The following OLFM4 variants were observed in gnomAD, a reference collection of about 807,000 sequenced individuals.
OLFM4 encodes the protein olfactomedin 4.
Under a neutral mutation model 25.5 loss-of-function variants are expected in OLFM4, and 22 were observed. That is an observed-to-expected ratio of 0.86 (90% CI 0.62 to 1.23). OLFM4 has a LOEUF of 1.23. Among genes scored for constraint, OLFM4 ranks in the 50% most tolerant of loss-of-function variants. The probability of loss-of-function intolerance (pLI) is 0.00; values close to 1 mark genes in which losing one functional copy is unlikely to be tolerated. For missense variants in OLFM4, 594 were observed against 619.4 expected (o/e 0.96, Z 0.44); for synonymous variants, 255 against 237.7 (o/e 1.07, Z -0.67).
chr13:53,050,256 G>C lies in OLFM4; in HGVS notation c.1018G>C (p.Val340Leu), dbSNP rs749835426. ...GTAVYNNNMYVNMYNTGNIAR... is the reference protein window; with the variant it reads ...GTAVYNNNMYLNMYNTGNIAR... ...AGCAGTTTACAACAACAACATGTAC[G>C]TCAACATGTACAACACCGGGAATAT... The change falls in exon 5 of 5, where the codon GTC becomes CTC. Residue 340 changes from valine (V) to leucine (L), a missense_variant. Coordinates refer to ENST00000219022, the MANE Select transcript of OLFM4 (RefSeq NM_006418.5). 6.2e-7 allele frequency: 1 copy of C among 1,613,988 alleles called. No homozygotes were observed. The highest frequency in any genetic ancestry group is 8.5e-7 in the Non-Finnish European group (1 of 1,179,934).
chr13:53,029,581 A>G (rs938847398), intron 1 of OLFM4, among the ~76,000 whole-genome samples: 3 of 152,086 alleles, frequency 2.0e-5, no homozygotes, highest in Admixed American at 6.6e-5. Flanking sequence ...AGCCCTGACC[A>G]TTTCTCTTGG....
chr13:53,042,192 T>A, intron 3 of OLFM4, 70 bp downstream of exon 3: 2 of 1,293,468 alleles, frequency 1.5e-6, no homozygotes, highest in Non-Finnish European at 2.2e-6. Flanking sequence ...CAAGTACTAG[T>A]ACCAGGAAGT....
intron 2 of OLFM4, among the ~76,000 whole-genome samples, chr13:53,037,099 G>C (rs761193894): frequency 6.6e-6 from 1 of 152,200 alleles, no homozygotes; most frequent in African/African-American, 2.4e-5. Context: ...TTATCCGGGG[G>C]CCTGGGAGAA....
intron 1 of OLFM4, among the ~76,000 whole-genome samples, chr13:53,029,884 T>A (rs958391871): frequency 2.0e-5 from 3 of 152,116 alleles, no homozygotes; most frequent in African/African-American, 7.2e-5. Context: ...GAAAGGAGAA[T>A]GGGCTGGAGG....
chr13:53,032,503 G>T (rs941683859), intron 1 of OLFM4, among the ~76,000 whole-genome samples: 1 of 152,078 alleles, frequency 6.6e-6, no homozygotes, highest in Non-Finnish European at 1.5e-5. Context: ...CTCTCTGATA[G>T]GTTCCTGGTG....
At chr13:53,041,275 G>A (rs920692260) in intron 2 of OLFM4, among the ~76,000 whole-genome samples, 3 of 152,248 alleles carry the variant, frequency 2.0e-5, no homozygotes, top group Middle Eastern at 3.4e-3. Context: ...TATACACCAT[G>A]GAATACTTTG....
rs1481880095 is a variant in OLFM4 at position 53,051,034 on chromosome 13, TGAAGCCTACTGTGAGGAGGCTTCACTA to T, written c.*271_*297del. 1 of 382,190 alleles carries T rather than the reference TGAAGCCTACTGTGAGGAGGCTTCACTA, an allele frequency of 2.6e-6. No homozygotes were observed. The highest frequency in any genetic ancestry group is 4.1e-5 in the East Asian group (1 of 24,278). The allele number at this position is 382,190 out of a possible 1,614,324, so 23.7% of individuals were successfully genotyped here. On this transcript the variant is annotated 3_prime_UTR_variant, in exon 5 of 5. Coordinates refer to ENST00000219022, the MANE Select transcript of OLFM4 (RefSeq NM_006418.5). Reference sequence around the variant, plus strand: ...AGGTCTAGGGGCACTGTGGGCCTAGTGAAGCCTACTGTGAGGAGGCTTCACTAGAAGCCTTAAATTAGGAATTAAGGA... The same window carrying T: ...AGGTCTAGGGGCACTGTGGGCCTAGTGAAGCCTTAAATTAGGAATTAAGGA...
At chr13:53,040,121 T>C (rs1236241413) in intron 2 of OLFM4, among the ~76,000 whole-genome samples, 1 of 152,218 alleles carries the variant, frequency 6.6e-6, no homozygotes, top group Non-Finnish European at 1.5e-5. Context: ...CAGCAACTTA[T>C]TTAATGAGCA....
At chr13:53,047,987 A>T (rs79737621) in intron 4 of OLFM4, among the ~76,000 whole-genome samples, 1 of 152,210 alleles carries the variant, frequency 6.6e-6, no homozygotes, top group Non-Finnish European at 1.5e-5. Context: ...AAAGAAAAAA[A>T]AGTGACTTTC....
intron 1 of OLFM4, among the ~76,000 whole-genome samples, chr13:53,031,280 C>A (rs1480850194): frequency 6.6e-6 from 1 of 152,100 alleles, no homozygotes; most frequent in Non-Finnish European, 1.5e-5. Flanking sequence ...TTGATGAGCT[C>A]TTTGGAAGGT....
Position 53,028,828 on chromosome 13 carries a change from G to A in OLFM4, c.-9G>A. 1.2e-6 allele frequency: 2 copies of A among 1,613,782 alleles called. No homozygotes were observed. Among genetic ancestry groups the A allele is most frequent in the East Asian group, 2.2e-5 (1 of 44,866 alleles). On this transcript the variant is annotated 5_prime_UTR_variant, in exon 1 of 5. Coordinates refer to ENST00000219022, the MANE Select transcript of OLFM4 (RefSeq NM_006418.5). ...CTGCAGAGCCAGCGGCTCCAGCTAAGAGGACAAGATGAGGCCCGGCCTCTC... is the reference window on the plus strand; with the variant it reads ...CTGCAGAGCCAGCGGCTCCAGCTAAAAGGACAAGATGAGGCCCGGCCTCTC...
chr13:53,044,785 G>A (rs1393477028), intron 4 of OLFM4, among the ~76,000 whole-genome samples: 1 of 152,196 alleles, frequency 6.6e-6, no homozygotes, highest in African/African-American at 2.4e-5. Context: ...GTGCAAAAAT[G>A]TAGCAAATGA....
chr13:53,046,040 A>G (rs36081995), intron 4 of OLFM4, among the ~76,000 whole-genome samples: 8,734 of 152,206 alleles, frequency 0.057, 350 homozygotes, highest in East Asian at 0.2. Flanking sequence ...TCTGAAAGAA[A>G]TGGGGTGACC....
At chr13:53,042,872 A>T (rs1050423490) in intron 3 of OLFM4, among the ~76,000 whole-genome samples, 1 of 152,226 alleles carries the variant, frequency 6.6e-6, no homozygotes, top group African/African-American at 2.4e-5. Flanking sequence ...CTTGGGCTCT[A>T]TTATTAAAGC....
Position 53,050,631 on chromosome 13 carries a change from G to A in OLFM4, c.1393G>A (p.Gly465Ser). The change falls in exon 5 of 5, where the codon GGC (glycine) becomes AGC (serine). Residue 465 changes from glycine (G) to serine (S), a missense_variant. Coordinates refer to ENST00000219022, the MANE Select transcript of OLFM4 (RefSeq NM_006418.5). Reference sequence around the variant, plus strand: ...TTATGACACAAACACAGGGAAAGAGGGCAAACTAGACATTGTAATGCATAA... The same window carrying A: ...TTATGACACAAACACAGGGAAAGAGAGCAAACTAGACATTGTAATGCATAA... ...YYYDTNTGKE[G>S]KLDIVMHKMQ... 1 of 1,613,792 alleles carries A rather than the reference G, an allele frequency of 6.2e-7. No individual in the cohort carries two copies. The highest frequency in any genetic ancestry group is 8.5e-7 in the Non-Finnish European group (1 of 1,179,914).
intron 4 of OLFM4, among the ~76,000 whole-genome samples, chr13:53,047,426 A>C (rs573414039): frequency 1.3e-5 from 2 of 152,158 alleles, no homozygotes; most frequent in East Asian, 3.9e-4. Context: ...CTGGTCTGAC[A>C]TTGTTGTGGC....
intron 1 of OLFM4, 94 bp downstream of exon 1, chr13:53,029,134 G>T (rs566468201): frequency 1.9e-6 from 3 of 1,543,680 alleles, no homozygotes; most frequent in Non-Finnish European, 2.6e-6. Context: ...CTAGACCTGG[G>T]CACTCTAAAA....
Position 53,050,715 on chromosome 13 carries a change from T to A in OLFM4, c.1477T>A (p.Tyr493Asn). ...CCCTTTTGACCAGAAACTTTATGTC[T>A]ATAACGATGGTTACCTTCTGAATTA... ...YNPFDQKLYV[Y>N]NDGYLLNYDL... The change falls in exon 5 of 5, where the codon TAT becomes AAT. Residue 493 changes from tyrosine to asparagine, a missense_variant. Tyr to Asn is a moderately radical substitution (Grantham distance 143). Transcript: ENST00000219022. The A allele has an allele frequency of 6.2e-7, 1 of 1,611,946 alleles. No homozygotes were observed. The highest frequency in any genetic ancestry group is 1.1e-5 in the South Asian group (1 of 90,502).
At chr13:53,036,521 G>A (rs189142067) in intron 2 of OLFM4, among the ~76,000 whole-genome samples, 4 of 152,198 alleles carry the variant, frequency 2.6e-5, no homozygotes, top group Admixed American at 1.3e-4. Flanking sequence ...AATACTGTAC[G>A]GGGGGCTGGT....
Sources: gnomAD v4.1 joint callset for allele counts (sites outside exome capture counted in the v4.1 genomes callset) on GRCh38, gnomAD v4.1.1 for gene constraint, MANE v1.5 for transcripts, NCBI Gene and HGNC (gene_info 2026-07-23, HGNC 2026-07-21) for gene names.